The following SMYD3 variants were observed in gnomAD, a reference collection of about 807,000 sequenced individuals.
SMYD3 encodes SET and MYND domain containing 3.
A neutral mutation model predicts 57.7 loss-of-function variants in SMYD3; 36 were observed. That is an observed-to-expected ratio of 0.62 (90% confidence interval 0.48 to 0.82). The LOEUF (loss-of-function observed/expected upper bound fraction) is 0.82, where lower values mean the gene tolerates loss of function less well. Among genes scored for constraint, SMYD3 ranks in the 40% least tolerant of loss-of-function variants. The pLI is 0.00. For missense variants in SMYD3, 515 were observed against 538.8 expected, an observed-to-expected ratio of 0.96 and a Z score of 0.44; for synonymous variants, 211 against 195.0, an observed-to-expected ratio of 1.08 and a Z score of -0.68.
At chr1:246,036,145 G>T (rs1430161969) in intron 5 of SMYD3, among the ~76,000 whole-genome samples, 8 of 152,208 alleles carry the variant, frequency 5.3e-5, no homozygotes, top group African/African-American at 1.9e-4. Flanking sequence ...GGTTGAAGAG[G>T]AGACAGGGCT....
At chr1:245,959,918 G>A (rs189208852) in intron 5 of SMYD3, among the ~76,000 whole-genome samples, 68 of 151,878 alleles carry the variant, frequency 4.5e-4, no homozygotes, top group African/African-American at 1.6e-3. Context: ...AGCTGAGACT[G>A]CAGGTGTGTG....
At chr1:246,464,830 T>C (rs1038829048) in intron 1 of SMYD3, among the ~76,000 whole-genome samples, 7 of 152,218 alleles carry the variant, frequency 4.6e-5, no homozygotes, top group Non-Finnish European at 8.8e-5. Flanking sequence ...TTAATGTTTA[T>C]TTATTAGTAC....
intron 5 of SMYD3, among the ~76,000 whole-genome samples, chr1:245,966,167 C>A (rs138817104): frequency 4.9e-4 from 74 of 151,982 alleles, no homozygotes; most frequent in Non-Finnish European, 8.5e-4. Flanking sequence ...TCCTTCTCTC[C>A]TTCTCTCTCT....
At chr1:245,862,110 T>C (rs2051581938) in intron 9 of SMYD3, among the ~76,000 whole-genome samples, 1 of 152,008 alleles carries the variant, frequency 6.6e-6, no homozygotes, top group Admixed American at 6.6e-5. Flanking sequence ...GTTTTCCTAG[T>C]ATCTTCCATC....
At chr1:246,177,562 A>C (rs1171602934) in intron 5 of SMYD3, among the ~76,000 whole-genome samples, 1 of 152,034 alleles carries the variant, frequency 6.6e-6, no homozygotes, top group Non-Finnish European at 1.5e-5. Context: ...AAAATGTTTA[A>C]GAAGAACAGC....
intron 5 of SMYD3, among the ~76,000 whole-genome samples, chr1:246,008,217 G>A (rs987093542): frequency 1.3e-5 from 2 of 152,252 alleles, no homozygotes; most frequent in African/African-American, 4.8e-5. Flanking sequence ...CAATGGTAAT[G>A]AAGAAACACA....
chr1:246,232,908 C>CT (rs201225950), intron 5 of SMYD3, among the ~76,000 whole-genome samples: 1,678 of 116,558 alleles, frequency 0.014, 29 homozygotes, highest in African/African-American at 0.031. Context: ...AGAAGCACTC[C>CT]TCAATTCACA....
intron 5 of SMYD3, among the ~76,000 whole-genome samples, chr1:246,147,539 C>T (rs2061870678): frequency 6.6e-6 from 1 of 152,060 alleles, no homozygotes; most frequent in Non-Finnish European, 1.5e-5. Flanking sequence ...CTCACCCATT[C>T]TGGGTTGGGG....
intron 1 of SMYD3, among the ~76,000 whole-genome samples, chr1:246,378,828 G>GTATATATAAATATAT (rs1558433815): frequency 3.4e-4 from 38 of 110,336 alleles, no homozygotes; most frequent in African/African-American, 1.3e-3. Context: ...TATTTATATA[G>GTATATATAAATATAT]TATATATAAT....
At chr1:246,014,092 T>A (rs1045930309) in intron 5 of SMYD3, among the ~76,000 whole-genome samples, 3 of 152,134 alleles carry the variant, frequency 2.0e-5, no homozygotes, top group East Asian at 3.9e-4. Context: ...TGAGAGGCCA[T>A]GGTGGGCGGA....
chr1:246,240,330 A>G (rs1170989069), intron 5 of SMYD3, among the ~76,000 whole-genome samples: 1 of 152,128 alleles, frequency 6.6e-6, no homozygotes, highest in East Asian at 1.9e-4. Context: ...TTTGCCAGCA[A>G]CATTTATTAA....
intron 5 of SMYD3, among the ~76,000 whole-genome samples, chr1:246,043,602 T>C (rs1017965578): frequency 2.0e-5 from 3 of 152,194 alleles, no homozygotes; most frequent in African/African-American, 7.2e-5. Context: ...AGGGCATAGG[T>C]TTCTGGTGAA....
intron 5 of SMYD3, among the ~76,000 whole-genome samples, chr1:246,300,837 A>T (rs1016760214): frequency 2.0e-5 from 3 of 152,182 alleles, no homozygotes; most frequent in Admixed American, 2.0e-4. Flanking sequence ...CTCAAAGCAC[A>T]TCAAGTTTGC....
chr1:245,983,693 A>C (rs2058646403), intron 5 of SMYD3, among the ~76,000 whole-genome samples: 1 of 152,182 alleles, frequency 6.6e-6, no homozygotes, highest in Admixed American at 6.5e-5. Flanking sequence ...CCATCTCCTG[A>C]AAGTATCCAA....
At chr1:245,940,761 T>C (rs2057208510) in intron 5 of SMYD3, among the ~76,000 whole-genome samples, 1 of 152,182 alleles carries the variant, frequency 6.6e-6, no homozygotes, top group Admixed American at 6.5e-5. Context: ...CCTCTTCTCC[T>C]TCAAATGACT....
In SMYD3 at chr1:246,160,348, CTA is replaced by C. The variant is rs1397817698; in HGVS notation, c.531+166851_531+166852del. Among the ~76,000 whole-genome samples, 7 of 152,288 alleles carry C rather than the reference CTA, an allele frequency of 4.6e-5. No homozygotes were observed. The East Asian group carries it at 1.3e-3, about 29-fold the overall frequency. ...AAAAAAATATTAAAACTGAAAATGA[CTA>C]TCTTCATCTGATGCTGAGGTTTGGG... is the stretch of plus-strand genomic sequence containing the variant. On this transcript the variant is annotated intron_variant, in intron 5 of 11. Coordinates refer to ENST00000490107, the MANE Select transcript of SMYD3 (RefSeq NM_001167740.2).
chr1:246,420,865 CA>C (rs1377690323), intron 1 of SMYD3, among the ~76,000 whole-genome samples: 1 of 152,158 alleles, frequency 6.6e-6, no homozygotes, highest in East Asian at 1.9e-4. Context: ...GGGATTAATG[CA>C]GTAATTGATG....
At chr1:246,078,221 T>C (rs140854916) in intron 5 of SMYD3, among the ~76,000 whole-genome samples, 216 of 152,274 alleles carry the variant, frequency 1.4e-3, no homozygotes, top group African/African-American at 5.0e-3. Flanking sequence ...AGAAAAAGCA[T>C]TAAATAGAAT....
At chr1:245,871,293 A>T (rs1327516575) in intron 8 of SMYD3, among the ~76,000 whole-genome samples, 5 of 152,348 alleles carry the variant, frequency 3.3e-5, no homozygotes, top group East Asian at 1.9e-4. Context: ...AGATTAATAT[A>T]CAACATCATT....
Sources: allele counts gnomAD v4.1 joint callset (sites outside exome capture counted in the v4.1 genomes callset), GRCh38; gene constraint gnomAD v4.1.1; transcripts MANE v1.5; gene names NCBI Gene and HGNC (gene_info 2026-07-23, HGNC 2026-07-21).